TRHDE: variants seen among roughly 807,000 people sequenced by gnomAD.
TRHDE encodes the protein thyrotropin-releasing hormone-degrading ectoenzyme.
A neutral mutation model predicts 125.7 loss-of-function variants in TRHDE; 72 were observed. That is an observed-to-expected ratio of 0.57 (90% CI 0.47 to 0.70). The LOEUF (loss-of-function observed/expected upper bound fraction) is 0.70, where lower values mean the gene tolerates loss of function less well. Among genes scored for constraint, TRHDE ranks in the 30% least tolerant of loss-of-function variants. The pLI is 0.00. For synonymous variants in TRHDE, 509 were observed against 509.1 expected (o/e 1.00, Z 0.00); for missense variants, 1,110 against 1,327.1 (o/e 0.84, Z 2.54).
chr12:72,120,180 A>G (rs1445523324), intron 2 of TRHDE, among the ~76,000 whole-genome samples: 1 of 151,708 alleles, frequency 6.6e-6, no homozygotes, highest in Non-Finnish European at 1.5e-5. Flanking sequence ...CCTCCTGAGT[A>G]GCTGGGATTA....
intron 2 of TRHDE, among the ~76,000 whole-genome samples, chr12:72,365,723 T>C (rs1037262409): frequency 1.3e-5 from 2 of 152,148 alleles, no homozygotes; most frequent in Non-Finnish European, 2.9e-5. Flanking sequence ...GTGAATTAAC[T>C]GGCAAGAAGA....
chr12:72,239,899 G>T (rs1411461788), intron 2 of TRHDE, among the ~76,000 whole-genome samples: 1 of 152,168 alleles, frequency 6.6e-6, no homozygotes, highest in Non-Finnish European at 1.5e-5. Flanking sequence ...AACTTTGTCT[G>T]TCCTATTTTC....
At chr12:72,529,661 A>G (rs1431036942) in intron 6 of TRHDE, among the ~76,000 whole-genome samples, 1 of 152,156 alleles carries the variant, frequency 6.6e-6, no homozygotes. Flanking sequence ...CTCTTTCTAC[A>G]TGTGTCCTTG....
intron 2 of TRHDE, among the ~76,000 whole-genome samples, chr12:72,318,115 G>T (rs544957527): frequency 6.6e-6 from 1 of 152,208 alleles, no homozygotes; most frequent in South Asian, 2.1e-4. Context: ...TGTTTATGTT[G>T]GATTTACTAT....
intron 12 of TRHDE, among the ~76,000 whole-genome samples, chr12:72,592,818 C>G (rs1871747284): frequency 6.6e-6 from 1 of 151,726 alleles, no homozygotes; most frequent in African/African-American, 2.4e-5. Context: ...TCAAGTGATT[C>G]TCCTGCCTCA....
At chr12:72,306,130 T>G (rs1868337978) in intron 2 of TRHDE, among the ~76,000 whole-genome samples, 1 of 152,196 alleles carries the variant, frequency 6.6e-6, no homozygotes, top group Admixed American at 6.5e-5. Flanking sequence ...AAATCGAAAC[T>G]CAGTTTTCTT....
intron 6 of TRHDE, among the ~76,000 whole-genome samples, chr12:72,518,584 C>G (rs1879006186): frequency 6.6e-6 from 1 of 152,054 alleles, no homozygotes; most frequent in African/African-American, 2.4e-5. Context: ...ACTGATGGGT[C>G]TTGACTCTTT....
intron 2 of TRHDE, among the ~76,000 whole-genome samples, chr12:72,149,878 G>C (rs147765431): frequency 0.017 from 2,598 of 152,110 alleles, 42 homozygotes; most frequent in Middle Eastern, 0.041. Flanking sequence ...ATTATTCATG[G>C]TTGCAAAGAG....
At chr12:72,604,940 T>G (rs370996583) in intron 12 of TRHDE, among the ~76,000 whole-genome samples, 2 of 152,128 alleles carry the variant, frequency 1.3e-5, no homozygotes, top group East Asian at 1.9e-4. Flanking sequence ...TCATTACTTT[T>G]TCTACGTTTT....
chr12:72,385,933 C>G (rs956502901), intron 3 of TRHDE, among the ~76,000 whole-genome samples: 19 of 152,226 alleles, frequency 1.2e-4, no homozygotes, highest in Non-Finnish European at 2.4e-4. Flanking sequence ...CTATTTAATG[C>G]AATACAAACC....
At chr12:72,315,223 G>T (rs1868741213) in intron 2 of TRHDE, among the ~76,000 whole-genome samples, 1 of 152,148 alleles carries the variant, frequency 6.6e-6, no homozygotes, top group African/African-American at 2.4e-5. Context: ...GCATAATTTA[G>T]GTGAGGAAGA....
At chr12:72,133,777 C>A (rs1238093604) in intron 2 of TRHDE, among the ~76,000 whole-genome samples, 2 of 152,106 alleles carry the variant, frequency 1.3e-5, no homozygotes, top group Non-Finnish European at 1.5e-5. Context: ...CCTGGTTGCT[C>A]CTGGGCTAGG....
intron 3 of TRHDE, among the ~76,000 whole-genome samples, chr12:72,396,759 C>T (rs965502573): frequency 1.3e-5 from 2 of 151,872 alleles, no homozygotes; most frequent in Non-Finnish European, 2.9e-5. Context: ...AACAAACAAA[C>T]AAACAAAAAA....
intron 2 of TRHDE, among the ~76,000 whole-genome samples, chr12:72,357,513 C>T: frequency 6.6e-6 from 1 of 151,476 alleles, no homozygotes; most frequent in East Asian, 1.9e-4. Context: ...TCTCTAGATC[C>T]ATCCATGTTG....
At chr12:72,568,379 C>T (rs1870551132) in intron 9 of TRHDE, among the ~76,000 whole-genome samples, 189 bp from the exon 10 acceptor site, 1 of 152,050 alleles carries the variant, frequency 6.6e-6, no homozygotes, top group African/African-American at 2.4e-5. Context: ...AAGGCCAAGT[C>T]TTCTTAATGG....
chr12:72,558,228 G>T lies in TRHDE; in HGVS notation c.1789-3937G>T, dbSNP rs555263694. Among the ~76,000 whole-genome samples, 172 of 152,240 alleles carry T rather than the reference G, an allele frequency of 1.1e-3. No homozygotes were observed. In the Middle Eastern group the frequency reaches 0.014, roughly 12 times the overall value. ...GATAAATGCTATTATATAGAACATT[G>T]TGTGACAATATAAAAGAGATATTTA... is the stretch of plus-strand genomic sequence containing the variant. On this transcript the variant is annotated intron_variant, in intron 7 of 18. Coordinates refer to ENST00000261180, the MANE Select transcript of TRHDE (RefSeq NM_013381.3).
At chr12:72,635,779 T>G (rs1297314547) in intron 15 of TRHDE, among the ~76,000 whole-genome samples, 1 of 152,110 alleles carries the variant, frequency 6.6e-6, no homozygotes, top group Non-Finnish European at 1.5e-5. Flanking sequence ...CCATTGCTTG[T>G]TTTTCTCAGG....
chr12:72,564,335 G>C lies in TRHDE; in HGVS notation c.2042+1295G>C, dbSNP rs889479841. 5.3e-5 allele frequency among the ~76,000 whole-genome samples: 8 copies of C among 152,272 alleles called. No homozygotes were observed. In the South Asian group the frequency reaches 1.7e-3, roughly 32 times the overall value. On this transcript the variant is annotated intron_variant, in intron 9 of 18. Coordinates refer to ENST00000261180, the MANE Select transcript of TRHDE (RefSeq NM_013381.3). Reference sequence around the variant, plus strand: ...CTGGCCCCAGGCAAAACAAGCACAAGCGTAGGCATCAACTCTGGCCTTGCC... The same window carrying C: ...CTGGCCCCAGGCAAAACAAGCACAACCGTAGGCATCAACTCTGGCCTTGCC...
At chr12:72,460,103 G>A (rs1876056304) in intron 3 of TRHDE, among the ~76,000 whole-genome samples, 1 of 152,134 alleles carries the variant, frequency 6.6e-6, no homozygotes, top group Non-Finnish European at 1.5e-5. Flanking sequence ...TACTATCTCC[G>A]TTTTTGCTAT....
Sources: allele counts gnomAD v4.1 joint callset (sites outside exome capture counted in the v4.1 genomes callset), GRCh38; gene constraint gnomAD v4.1.1; transcripts MANE v1.5; gene names NCBI Gene and HGNC (gene_info 2026-07-23, HGNC 2026-07-21).